Variants in CYP4X1 observed in about 807,000 individuals in gnomAD.
CYP4X1 encodes the protein cytochrome P450 family 4 subfamily X member 1, also known as cytochrome P450 4X1.
CYP4X1 carries 44 observed loss-of-function variants against 57.9 expected under a neutral mutation model. That is an observed-to-expected ratio of 0.76 (90% confidence interval 0.60 to 0.98). The LOEUF (loss-of-function observed/expected upper bound fraction) is 0.98, where lower values mean the gene tolerates loss of function less well. CYP4X1 is among the 50% of genes least tolerant of loss of function. The pLI, the probability that CYP4X1 is intolerant of heterozygous loss-of-function variation, is 0.00. For synonymous variants in CYP4X1, 227 were observed against 228.6 expected, an observed-to-expected ratio of 0.99 and a Z score of 0.06; for missense variants, 532 against 623.9, an observed-to-expected ratio of 0.85 and a Z score of 1.57.
chr1:47,008,331 T>G, the CYP4X1 span, among the ~76,000 whole-genome samples: 95 of 152,242 alleles, frequency 6.2e-4, 1 homozygote, highest in African/African-American at 2.1e-3. Context: ...CTAAACTTCA[T>G]AAGTGAAGGA....
At chr1:46,985,326 T>C in the CYP4X1 span, among the ~76,000 whole-genome samples, 1 of 151,990 alleles carries the variant, frequency 6.6e-6, no homozygotes, top group South Asian at 2.1e-4. Flanking sequence ...AGAGTCTATC[T>C]CAAAAAAAAT....
At chr1:46,963,574 C>T in the CYP4X1 span, among the ~76,000 whole-genome samples, 2 of 152,232 alleles carry the variant, frequency 1.3e-5, no homozygotes, top group Non-Finnish European at 2.9e-5. Context: ...ATATTGGCCT[C>T]CACTCTCTTC....
chr1:46,987,673 TAACA>T, the CYP4X1 span, among the ~76,000 whole-genome samples: 4 of 152,116 alleles, frequency 2.6e-5, no homozygotes, highest in East Asian at 1.9e-4. Flanking sequence ...ACAGAAATCA[TAACA>T]AACAGTCTCT....
chr1:47,034,122 A>C (rs1462121540), intron 4 of CYP4X1, among the ~76,000 whole-genome samples: 1 of 152,204 alleles, frequency 6.6e-6, no homozygotes, highest in Non-Finnish European at 1.5e-5. Flanking sequence ...TTGCCATGAA[A>C]CATAAGCTGG....
chr1:47,029,298 T>C (rs553663421), intron 1 of CYP4X1, among the ~76,000 whole-genome samples: 1 of 152,230 alleles, frequency 6.6e-6, no homozygotes, highest in East Asian at 1.9e-4. Context: ...ACAATTTAAG[T>C]GAGCCATTAC....
the CYP4X1 span, among the ~76,000 whole-genome samples, chr1:47,009,038 GA>G: frequency 6.6e-6 from 1 of 152,086 alleles, no homozygotes; most frequent in East Asian, 1.9e-4. Context: ...GGATATCCAG[GA>G]ATTGAACTCA....
chr1:47,008,761 G>A, the CYP4X1 span, among the ~76,000 whole-genome samples: 3 of 151,972 alleles, frequency 2.0e-5, no homozygotes, highest in African/African-American at 7.3e-5. Flanking sequence ...AAAAGGCAGG[G>A]GTTGCAATCC....
chr1:46,961,477 C>G, the CYP4X1 span: 1 of 1,074,222 alleles, frequency 9.3e-7, no homozygotes, highest in South Asian at 1.8e-5. Flanking sequence ...GAACCGTTCA[C>G]TGGCTTCCAG....
At chr1:47,000,365 G>A in the CYP4X1 span, among the ~76,000 whole-genome samples, 17 of 152,126 alleles carry the variant, frequency 1.1e-4, no homozygotes, top group Admixed American at 9.2e-4. Flanking sequence ...TTTTAGCAGT[G>A]TGAAAACAGA....
chr1:47,018,050 C>T, the CYP4X1 span, among the ~76,000 whole-genome samples: 1 of 152,204 alleles, frequency 6.6e-6, no homozygotes, highest in African/African-American at 2.4e-5. Flanking sequence ...CAGTCACCAA[C>T]TCCCATCAAA....
chr1:47,038,587 T>A (rs753131065), intron 6 of CYP4X1, 73 bp from the exon 7 acceptor site: 20 of 1,184,352 alleles, frequency 1.7e-5, no homozygotes, highest in Non-Finnish European at 2.4e-5. Context: ...AGCTATTCAC[T>A]AACCATGGCT....
At chr1:46,972,264 T>C in the CYP4X1 span, among the ~76,000 whole-genome samples, 1 of 152,220 alleles carries the variant, frequency 6.6e-6, no homozygotes, top group Non-Finnish European at 1.5e-5. Context: ...TGAGGCTTTA[T>C]TACTCACTTA....
At chr1:47,043,057 A>G (rs1168369732) in intron 8 of CYP4X1, among the ~76,000 whole-genome samples, 3 of 152,160 alleles carry the variant, frequency 2.0e-5, no homozygotes, top group African/African-American at 7.2e-5. Flanking sequence ...TGGTTGTACT[A>G]GTTTACATTC....
chr1:47,030,150 C>T lies in CYP4X1; in HGVS notation c.319+19C>T, dbSNP rs12141009. 440,878 of 1,594,602 alleles carry T rather than the reference C, an allele frequency of 0.28. 69,160 individuals carry two copies. Among genetic ancestry groups the T allele is most frequent in the East Asian group, 0.71 (31,509 of 44,454 alleles). On this transcript the variant is annotated intron_variant, in intron 2 of 11. Coordinates refer to ENST00000371901, the MANE Select transcript of CYP4X1 (RefSeq NM_178033.2). ...AGAACAGGTAAGAAGAGGGGGAAAG[C>T]TCTGGGACCTATTCCTCCTAGAAGT... is the stretch of plus-strand genomic sequence containing the variant.
At chr1:47,040,671 TTA>T (rs557936088) in intron 8 of CYP4X1, among the ~76,000 whole-genome samples, 1 of 152,000 alleles carries the variant, frequency 6.6e-6, no homozygotes, top group Non-Finnish European at 1.5e-5. Flanking sequence ...CATATACATG[TTA>T]TATATATATG....
chr1:47,008,298 C>T, the CYP4X1 span, among the ~76,000 whole-genome samples: 1 of 152,164 alleles, frequency 6.6e-6, no homozygotes, highest in Non-Finnish European at 1.5e-5. Flanking sequence ...AATTTTCAAC[C>T]CAGAATTTCA....
rs1644110217 is a variant in CYP4X1, at chr1:47,030,119, C to T, written c.307C>T (p.Leu103=). ...IYDPDYAKTL[L]SRTDPKSQYL... ...TGACCCAGACTATGCAAAGACACTT[C>T]TGAGCAGAACAGGTAAGAAGAGGGG... is the stretch of plus-strand genomic sequence containing the variant. The change falls in exon 2 of 12, where the codon CTG becomes TTG. Residue 103 remains leucine, a synonymous_variant. Coordinates refer to ENST00000371901, the MANE Select transcript of CYP4X1 (RefSeq NM_178033.2). 2 of 1,613,534 alleles carry T rather than the reference C, an allele frequency of 1.2e-6. No homozygotes were observed. The highest frequency in any genetic ancestry group is 1.7e-6 in the Non-Finnish European group (2 of 1,179,750).
At chr1:46,988,725 T>G in the CYP4X1 span, among the ~76,000 whole-genome samples, 3 of 152,166 alleles carry the variant, frequency 2.0e-5, no homozygotes, top group Non-Finnish European at 2.9e-5. Context: ...CAAGGTTGGT[T>G]TAACATATGC....
the CYP4X1 span, among the ~76,000 whole-genome samples, chr1:47,005,249 G>C: frequency 1.3e-5 from 2 of 152,152 alleles, no homozygotes; most frequent in Non-Finnish European, 2.9e-5. Context: ...TTGGAATCTA[G>C]AGTTTACCAT....
Sources: allele counts gnomAD v4.1 joint callset (sites outside exome capture counted in the v4.1 genomes callset), GRCh38; gene constraint gnomAD v4.1.1; transcripts MANE v1.5; gene names NCBI Gene and HGNC (gene_info 2026-07-23, HGNC 2026-07-21).